Variants in MORC4 observed in about 807,000 individuals in gnomAD.
MORC4 encodes the protein MORC family CW-type zinc finger protein 4.
Under a neutral mutation model 65.5 loss-of-function variants are expected in MORC4, and 22 were observed. The ratio of observed to expected loss-of-function variants is 0.34; its 90% CI spans 0.24 to 0.48. The LOEUF is 0.48. MORC4 is among the 20% of genes least tolerant of loss of function. The pLI, the probability that MORC4 is intolerant of heterozygous loss-of-function variation, is 0.99. For missense variants in MORC4, 624 were observed against 703.0 expected (o/e 0.89, Z 1.27); for synonymous variants, 267 against 255.8 (o/e 1.04, Z -0.42).
chrX:106,951,061 C>T (rs913664801), intron 14 of MORC4, among the ~76,000 whole-genome samples: 16 of 111,518 alleles, frequency 1.4e-4, no homozygotes, highest in Non-Finnish European at 2.4e-4. Flanking sequence ...CCACTATGCT[C>T]CTCATTTCTC....
At chrX:106,955,741 CAGA>C (rs961160496) in intron 13 of MORC4, among the ~76,000 whole-genome samples, 6 of 111,297 alleles carry the variant, frequency 5.4e-5, no homozygotes, top group African/African-American at 9.8e-5. Context: ...GGCAGGATAT[CAGA>C]AGAAGAATTA....
chrX:106,971,466 G>C (rs1934508672), intron 9 of MORC4, among the ~76,000 whole-genome samples: 1 of 112,075 alleles, frequency 8.9e-6, no homozygotes, highest in Non-Finnish European at 1.9e-5. Context: ...ATTGACAAAT[G>C]GGATGTAATT....
In MORC4 at chrX:106,941,315, T is replaced by G. The variant is rs1199228352; in HGVS notation, c.*164A>C. 1 of 371,430 alleles carries G rather than the reference T, an allele frequency of 2.7e-6. No homozygotes were observed. The highest frequency in any genetic ancestry group is 4.5e-6 in the Non-Finnish European group (1 of 222,500). 30.6% of individuals were successfully genotyped at this position (371,430 alleles called of 1,213,427 possible). ...ACACCAAAACTGATAAAAAGGAGAC[T>G]GATTATGAGCCAGGATTTACACAGA... On this transcript the variant is annotated 3_prime_UTR_variant, in exon 17 of 17. Transcript: ENST00000355610.
intron 2 of MORC4, among the ~76,000 whole-genome samples, chrX:106,993,717 G>A (rs113949915): frequency 3.9e-4 from 44 of 112,225 alleles, no homozygotes; most frequent in African/African-American, 1.3e-3. Flanking sequence ...CCCCTTTACT[G>A]TTTGTATACA....
intron 3 of MORC4, among the ~76,000 whole-genome samples, chrX:106,992,407 AG>A (rs1935000315): frequency 8.9e-6 from 1 of 112,639 alleles, no homozygotes; most frequent in Admixed American, 9.4e-5. Flanking sequence ...AGGAAGCCAC[AG>A]GGAGAGTAAT....
At position 106,941,965 on chromosome X, in the gene MORC4, C is replaced by T. The variant is rs1027390567; in HGVS notation, c.2633G>A (p.Arg878Gln). 3.3e-6 allele frequency: 4 copies of T among 1,208,074 alleles called. No homozygotes were observed. Among genetic ancestry groups the T allele is most frequent in the East Asian group, 5.9e-5 (2 of 33,733 alleles). The change falls in exon 16 of 17, where the codon CGG (arginine) becomes CAG (glutamine). Residue 878 changes from arginine (R) to glutamine (Q), a missense_variant. Transcript: ENST00000355610. ...TTCTAGGTCATCTCCCTCTGGGGTCCGGTAGGAGACCTGAGCCTTCTGCAG... is the reference window on the plus strand; with the variant it reads ...TTCTAGGTCATCTCCCTCTGGGGTCTGGTAGGAGACCTGAGCCTTCTGCAG... ...EMLQKAQVSY[R>Q]TPEGDDLERA...
At chrX:106,964,376 C>CACCA (rs1934325077) in intron 9 of MORC4, among the ~76,000 whole-genome samples, 1 of 111,592 alleles carries the variant, frequency 9.0e-6, no homozygotes, top group Non-Finnish European at 1.9e-5. Flanking sequence ...TGAACAAAAA[C>CACCA]TAAGGGACCC....
At chrX:106,974,971 A>G (rs1001732013) in intron 9 of MORC4, among the ~76,000 whole-genome samples, 2 of 111,652 alleles carry the variant, frequency 1.8e-5, no homozygotes, top group Admixed American at 1.9e-4. Context: ...TAAAGTGTGT[A>G]GCAGATGTTA....
chrX:106,952,310 G>T (rs1344237488), intron 14 of MORC4, among the ~76,000 whole-genome samples: 1 of 112,100 alleles, frequency 8.9e-6, no homozygotes, highest in Non-Finnish European at 1.9e-5. Flanking sequence ...ATTGCTCCTA[G>T]GCTATAAACC....
At chrX:106,984,178 C>G (rs1934809031) in intron 5 of MORC4, among the ~76,000 whole-genome samples, 1 of 108,465 alleles carries the variant, frequency 9.2e-6, no homozygotes, top group Admixed American at 9.9e-5. Flanking sequence ...CCCAGCTACT[C>G]GAGAGGCTGA....
chrX:106,943,286 C>A, intron 14 of MORC4, 81 bp from the exon 15 acceptor site: 1 of 767,601 alleles, frequency 1.3e-6, no homozygotes, highest in South Asian at 2.6e-5. Context: ...CCAACTCAAA[C>A]TTCCCATATT....
In MORC4 at chrX:106,981,245, C is replaced by T. The variant is rs769125439; in HGVS notation, c.807+100G>A. The T allele has an allele frequency of 1.4e-5, 13 of 954,232 alleles. No individual in the cohort carries two copies. In the African/African-American group the frequency reaches 1.6e-4, roughly 12 times the overall value. The allele number at this position is 954,232 out of a possible 1,213,427, so 78.6% of individuals were successfully genotyped here. On this transcript the variant is annotated intron_variant, in intron 6 of 16. Coordinates refer to ENST00000355610, the MANE Select transcript of MORC4 (RefSeq NM_024657.5). Reference sequence around the variant, plus strand: ...AAGGAATACTAGCACATGGCTGGAACGTTGTTATCTTTGTATAACTAAAAG... The same window carrying T: ...AAGGAATACTAGCACATGGCTGGAATGTTGTTATCTTTGTATAACTAAAAG...
At chrX:106,971,959 C>T (rs1934524209) in intron 9 of MORC4, among the ~76,000 whole-genome samples, 1 of 111,868 alleles carries the variant, frequency 8.9e-6, no homozygotes, top group Non-Finnish European at 1.9e-5. Context: ...CCAGCAATCC[C>T]ATTACTGGGT....
At chrX:106,953,988 T>G (rs1008398758) in intron 14 of MORC4, among the ~76,000 whole-genome samples, 1 of 112,210 alleles carries the variant, frequency 8.9e-6, no homozygotes, top group African/African-American at 3.2e-5. Flanking sequence ...CCAGGTGTGG[T>G]GGTGCATGCC....
chrX:106,995,414 A>G (rs981781767), intron 2 of MORC4, among the ~76,000 whole-genome samples: 1 of 111,890 alleles, frequency 8.9e-6, no homozygotes, highest in Non-Finnish European at 1.9e-5. Flanking sequence ...TGGTATTTCC[A>G]GTAAAAAGAC....
chrX:106,941,775 C>T, intron 16 of MORC4, 143 bp from the exon 17 acceptor site: 1 of 807,297 alleles, frequency 1.2e-6, no homozygotes, highest in Non-Finnish European at 1.8e-6. Flanking sequence ...ACAACGCCAC[C>T]AAGCACAGGG....
intron 3 of MORC4, among the ~76,000 whole-genome samples, chrX:106,990,166 C>T (rs1479302971): frequency 5.6e-5 from 6 of 107,441 alleles, no homozygotes; most frequent in Non-Finnish European, 9.6e-5. Context: ...TCCAGCCTGG[C>T]GACAGAGCAA....
chrX:106,983,690 G>T (rs1934793459), intron 5 of MORC4, among the ~76,000 whole-genome samples: 2 of 106,543 alleles, frequency 1.9e-5, no homozygotes, highest in African/African-American at 6.7e-5. Context: ...ATATTTATCT[G>T]CTTCAAAGAT....
chrX:106,975,856 AC>A (rs1934611560), intron 9 of MORC4, among the ~76,000 whole-genome samples: 1 of 110,349 alleles, frequency 9.1e-6, no homozygotes, highest in Non-Finnish European at 1.9e-5. Context: ...CTTTGCACAT[AC>A]CCCCTATTAA....
Sources: allele counts gnomAD v4.1 joint callset (sites outside exome capture counted in the v4.1 genomes callset), GRCh38; gene constraint gnomAD v4.1.1; transcripts MANE v1.5; gene names NCBI Gene and HGNC (gene_info 2026-07-23, HGNC 2026-07-21).